The following ZNF469 variants were observed in gnomAD, a reference collection of about 807,000 sequenced individuals.
ZNF469 encodes zinc finger protein 469.
ZNF469 carries 1 observed loss-of-function variant against 1.0 expected under a neutral mutation model. The observed-to-expected ratio is 1.00, with a 90% confidence interval of 0.35 to 4.73. ZNF469 has a LOEUF of 4.73. Among genes scored for constraint, ZNF469 ranks in the 30% most tolerant of loss-of-function variants. ZNF469 has a pLI of 0.16. For synonymous variants in ZNF469, 2,703 were observed against 2,363.4 expected, an observed-to-expected ratio of 1.14 and a Z score of -4.17; for missense variants, 6,100 against 5,356.3, an observed-to-expected ratio of 1.14 and a Z score of -4.33.
rs1414195932 is a variant in ZNF469 at position 88,437,170 on chromosome 16, C to T, written c.9700C>T (p.Pro3234Ser). ...VAHLLNSITE[P>S]APKHHRGKRS... The stretch of plus-strand genomic sequence containing the variant: ...CCACCTTCTGAACAGCATCACGGAA[C>T]CCGCGCCCAAACACCACAGGGGCAA... Residue 3234 changes from proline to serine, a missense_variant, in exon 3 of 3, where the codon CCC (proline) becomes TCC (serine). Pro to Ser is a moderately conservative substitution (Grantham distance 74). Transcript: ENST00000565624. The T allele has an allele frequency of 1.9e-6, 3 of 1,549,360 alleles. No individual in the cohort carries two copies. Among genetic ancestry groups the T allele is most frequent in the African/African-American group, 2.7e-5 (2 of 73,040 alleles).
At chr16:88,273,303 C>A in the ZNF469 span, among the ~76,000 whole-genome samples, 1 of 151,628 alleles carries the variant, frequency 6.6e-6, no homozygotes, top group South Asian at 2.1e-4. Context: ...CCCTCACAAC[C>A]ACATTACTCT....
At position 88,433,646 on chromosome 16, in the gene ZNF469, C is replaced by T. The variant is rs955717531; in HGVS notation, c.6176C>T (p.Pro2059Leu). Residue 2059 changes from proline to leucine, a missense_variant, in exon 3 of 3, where the codon CCG becomes CTG. Physicochemically the swap from Pro to Leu is moderately conservative, Grantham distance 98. Coordinates refer to ENST00000565624, the MANE Select transcript of ZNF469 (RefSeq NM_001367624.2). ...GAGGCCGAGCCCACCCCAAGCCCCC[C>T]GTCCCCTAATAGGGAGTCCCTGGCG... ...QEEAEPTPSP[P>L]SPNRESLALA... The T allele has an allele frequency of 4.0e-5, 62 of 1,550,038 alleles. No individual in the cohort carries two copies. In the African/African-American group the frequency reaches 5.6e-4, roughly 14 times the overall value.
At chr16:88,278,673 C>T in the ZNF469 span, among the ~76,000 whole-genome samples, 1 of 134,446 alleles carries the variant, frequency 7.4e-6, no homozygotes, top group Non-Finnish European at 1.7e-5. Context: ...CGGTCAGTAC[C>T]ATGTAGATAT....
the ZNF469 span, among the ~76,000 whole-genome samples, chr16:88,132,471 GC>G: frequency 6.6e-6 from 1 of 152,250 alleles, no homozygotes; most frequent in East Asian, 1.9e-4. Flanking sequence ...GCTCCATGGG[GC>G]TCGAGAGACT....
At chr16:88,303,103 G>A in the ZNF469 span, among the ~76,000 whole-genome samples, 2 of 152,194 alleles carry the variant, frequency 1.3e-5, no homozygotes, top group African/African-American at 2.4e-5. Flanking sequence ...CTCCCCTGGT[G>A]TCTGTCTGTT....
At chr16:88,262,714 C>T in the ZNF469 span, among the ~76,000 whole-genome samples, 167 of 152,236 alleles carry the variant, frequency 1.1e-3, no homozygotes, top group African/African-American at 3.9e-3. The surrounding 1 kb of genome is among the most constrained non-coding windows in gnomAD (Gnocchi z 4.3). Context: ...TCACGCATCT[C>T]GGAAGGCTTG....
At chr16:88,406,883 T>TC (rs1282807211) in intron 1 of ZNF469, among the ~76,000 whole-genome samples, 1 of 152,250 alleles carries the variant, frequency 6.6e-6, no homozygotes, top group South Asian at 2.1e-4. Flanking sequence ...GTCTCCTGAT[T>TC]CCCCCTAGCG....
intron 1 of ZNF469, among the ~76,000 whole-genome samples, chr16:88,407,162 C>A (rs1444435082): frequency 6.6e-6 from 1 of 152,230 alleles, no homozygotes; most frequent in African/African-American, 2.4e-5. Flanking sequence ...CCAGCTGTCC[C>A]TGAGTGGGCG....
chr16:88,357,195 C>T, the ZNF469 span, among the ~76,000 whole-genome samples: 3 of 152,322 alleles, frequency 2.0e-5, no homozygotes, highest in East Asian at 1.9e-4. Context: ...GAGCCCTGGA[C>T]CCGGGTTTGA....
At chr16:88,200,650 C>T in the ZNF469 span, among the ~76,000 whole-genome samples, 3 of 152,360 alleles carry the variant, frequency 2.0e-5, no homozygotes, top group Non-Finnish European at 4.4e-5. Context: ...CAGGTAGGGG[C>T]GGCCCAGACC....
the ZNF469 span, among the ~76,000 whole-genome samples, chr16:88,288,994 ATGG>A: frequency 6.6e-6 from 1 of 152,168 alleles, no homozygotes; most frequent in African/African-American, 2.4e-5. Context: ...GGTGGTGATG[ATGG>A]TGGTGGTGAT....
the ZNF469 span, among the ~76,000 whole-genome samples, chr16:88,204,968 C>T: frequency 6.6e-6 from 1 of 152,114 alleles, no homozygotes; most frequent in Non-Finnish European, 1.5e-5. Flanking sequence ...CCCAAGTGTG[C>T]GCCAGCTGCA....
At position 88,413,435 on chromosome 16, in the gene ZNF469, G is replaced by A. The variant is rs567494783; in HGVS notation, c.-191-11372G>A. On this transcript the variant is annotated intron_variant, in intron 1 of 2. Coordinates refer to ENST00000565624, the MANE Select transcript of ZNF469 (RefSeq NM_001367624.2). ...GAGGCCCAGCAGGCCGAGGCCCGGC[G>A]CACCGTGGCTTTCCCAGCACAGATG... Among the ~76,000 whole-genome samples the A allele has an allele frequency of 1.8e-4, 28 of 152,346 alleles. No homozygotes were observed. The East Asian group carries it at 4.6e-3, about 25-fold the overall frequency.
the ZNF469 span, among the ~76,000 whole-genome samples, chr16:88,365,422 G>T: frequency 6.6e-6 from 1 of 152,236 alleles, no homozygotes; most frequent in Non-Finnish European, 1.5e-5. Context: ...CCAGTGGTCA[G>T]TCATGTCTTC....
the ZNF469 span, among the ~76,000 whole-genome samples, chr16:88,317,117 C>G: frequency 6.6e-6 from 1 of 152,206 alleles, no homozygotes. Flanking sequence ...TGGGCAGCCC[C>G]CACCCCAGTT....
At chr16:88,285,570 C>T in the ZNF469 span, among the ~76,000 whole-genome samples, 1 of 152,262 alleles carries the variant, frequency 6.6e-6, no homozygotes, top group East Asian at 1.9e-4. Flanking sequence ...ACCCAGGACC[C>T]GAGGCCCACC....
chr16:88,331,336 C>T, the ZNF469 span, among the ~76,000 whole-genome samples: 1 of 151,258 alleles, frequency 6.6e-6, no homozygotes, highest in East Asian at 2.0e-4. Flanking sequence ...ACCATCACCA[C>T]CATCATCCTC....
the ZNF469 span, among the ~76,000 whole-genome samples, chr16:88,250,280 G>C: frequency 1.4e-4 from 22 of 152,264 alleles, no homozygotes; most frequent in East Asian, 4.2e-3. Context: ...TCGCCTATTT[G>C]AACTTTATAT....
rs1238144878 is a variant in ZNF469 at position 88,433,089 on chromosome 16, T to C, written c.5619T>C (p.Ala1873=). 1.9e-6 allele frequency: 3 copies of C among 1,550,172 alleles called. No homozygotes were observed. Among genetic ancestry groups the C allele is most frequent in the Non-Finnish European group, 2.6e-6 (3 of 1,146,958 alleles). The change falls in exon 3 of 3, where the codon GCT becomes GCC. Residue 1873 remains alanine (A), a synonymous_variant. Coordinates refer to ENST00000565624, the MANE Select transcript of ZNF469 (RefSeq NM_001367624.2). ...TGACTGCCCCCCGGGGCAGGGAGGC[T>C]TGGTTGGTCCCTGTGCCAAGTCCCG... ...SSLTAPRGRE[A]WLVPVPSPAC...
Sources: allele counts gnomAD v4.1 joint callset (sites outside exome capture counted in the v4.1 genomes callset), GRCh38; gene constraint gnomAD v4.1.1; non-coding constraint Gnocchi (gnomAD v3.1); transcripts MANE v1.5; gene names NCBI Gene and HGNC (gene_info 2026-07-23, HGNC 2026-07-21).